Variants in LEMD3 observed in about 807,000 individuals in gnomAD.
The protein encoded by LEMD3 is inner nuclear membrane protein Man1.
A neutral mutation model predicts 95.2 loss-of-function variants in LEMD3; 33 were observed. That is an observed-to-expected ratio of 0.35 (90% CI 0.26 to 0.46). The LOEUF (loss-of-function observed/expected upper bound fraction) is 0.46, where lower values mean the gene tolerates loss of function less well. LEMD3 is among the 20% of genes least tolerant of loss of function. The probability of loss-of-function intolerance (pLI) is 1.00; values close to 1 mark genes in which losing one functional copy is unlikely to be tolerated. For synonymous variants in LEMD3, 525 were observed against 474.6 expected, an observed-to-expected ratio of 1.11 and a Z score of -1.38; for missense variants, 1,210 against 1,192.8, an observed-to-expected ratio of 1.01 and a Z score of -0.21.
rs6581620 is a variant in LEMD3 at position 65,218,541 on chromosome 12, A to C, written c.1628-11A>C. The C allele has an allele frequency of 5.6e-3, 8,869 of 1,577,376 alleles. 472 individuals are homozygous for C. The African/African-American group carries it at 0.11, about 19-fold the overall frequency. On this transcript the variant is annotated splice_polypyrimidine_tract_variant and intron_variant, in intron 3 of 12. Transcript: ENST00000308330. Reference sequence around the variant, plus strand: ...ACTGATTCAAAATTAATAATATGCTAATCTTTCCAGGAGATCATGAATGTG... The same window carrying C: ...ACTGATTCAAAATTAATAATATGCTCATCTTTCCAGGAGATCATGAATGTG...
chr12:65,216,785 C>T (rs1870124154), intron 3 of LEMD3, among the ~76,000 whole-genome samples: 1 of 152,104 alleles, frequency 6.6e-6, no homozygotes, highest in African/African-American at 2.4e-5. Flanking sequence ...TATGGAACTT[C>T]TCTGGTTGAA....
chr12:65,235,538 A>G (rs1870748241), intron 4 of LEMD3, among the ~76,000 whole-genome samples: 1 of 152,136 alleles, frequency 6.6e-6, no homozygotes, highest in Non-Finnish European at 1.5e-5. Context: ...GAAAAAAAGT[A>G]CAATGGAAAA....
chr12:65,214,254 C>T (rs1403203548), intron 2 of LEMD3, among the ~76,000 whole-genome samples: 2 of 152,094 alleles, frequency 1.3e-5, no homozygotes, highest in African/African-American at 4.8e-5. Flanking sequence ...CTCGGCCTCC[C>T]AAAGTGCTGA....
At chr12:65,176,732 A>G (rs892897745) in intron 1 of LEMD3, among the ~76,000 whole-genome samples, 4 of 152,188 alleles carry the variant, frequency 2.6e-5, no homozygotes, top group Non-Finnish European at 5.9e-5. Flanking sequence ...GAGATTGATA[A>G]TACTATCTGA....
intron 1 of LEMD3, among the ~76,000 whole-genome samples, chr12:65,199,799 T>C (rs1410378751): frequency 6.6e-6 from 1 of 152,046 alleles, no homozygotes; most frequent in Non-Finnish European, 1.5e-5. Flanking sequence ...AGAGCATGAT[T>C]AATGGATCAT....
chr12:65,201,067 A>G (rs1321567308), intron 1 of LEMD3, among the ~76,000 whole-genome samples: 2 of 152,132 alleles, frequency 1.3e-5, no homozygotes, highest in Admixed American at 6.6e-5. Flanking sequence ...TCTTTGCTCC[A>G]TTATATTGCC....
intron 1 of LEMD3, among the ~76,000 whole-genome samples, chr12:65,186,455 T>C (rs528003633): frequency 8.6e-5 from 13 of 152,012 alleles, no homozygotes; most frequent in Non-Finnish European, 1.8e-4. Context: ...AAAATATTAC[T>C]CATTTACTTT....
At chr12:65,208,332 C>G (rs1042463052) in intron 1 of LEMD3, among the ~76,000 whole-genome samples, 1 of 151,892 alleles carries the variant, frequency 6.6e-6, no homozygotes, top group Admixed American at 6.6e-5. Context: ...TTTGAAGTAC[C>G]GTCTTGGTAT....
At chr12:65,222,871 T>C (rs1438225517) in intron 4 of LEMD3, among the ~76,000 whole-genome samples, 1 of 152,080 alleles carries the variant, frequency 6.6e-6, no homozygotes, top group Non-Finnish European at 1.5e-5. Flanking sequence ...ATTTATAATT[T>C]TTCTTTTGAT....
At chr12:65,174,869 CTT>C (rs1868667156) in intron 1 of LEMD3, among the ~76,000 whole-genome samples, 1 of 152,084 alleles carries the variant, frequency 6.6e-6, no homozygotes, top group African/African-American at 2.4e-5. Flanking sequence ...TTGCTGGTAA[CTT>C]TTGGGGGCTG....
chr12:65,219,547 C>T (rs564434546), intron 4 of LEMD3, among the ~76,000 whole-genome samples: 1 of 152,262 alleles, frequency 6.6e-6, no homozygotes, highest in South Asian at 2.1e-4. Context: ...TTCATGCCTC[C>T]CATCCCCTTG....
Position 65,226,407 on chromosome 12 carries a change from T to C in LEMD3, c.1695+7788T>C, listed in dbSNP as rs1248548286. On this transcript the variant is annotated intron_variant, in intron 4 of 12. Coordinates refer to ENST00000308330, the MANE Select transcript of LEMD3 (RefSeq NM_014319.5). ...AACTAATTTCTGGATTTTTCACAAATGGAATTGGTCCATGTATTTTTGTTG... is the reference window on the plus strand; with the variant it reads ...AACTAATTTCTGGATTTTTCACAAACGGAATTGGTCCATGTATTTTTGTTG... Among the ~76,000 whole-genome samples, 4 of 152,192 alleles carry C rather than the reference T, an allele frequency of 2.6e-5. No individual in the cohort carries two copies. In the East Asian group the frequency reaches 7.7e-4, roughly 29 times the overall value.
chr12:65,217,150 T>TCAC (rs1004175332), intron 3 of LEMD3, among the ~76,000 whole-genome samples: 1 of 152,168 alleles, frequency 6.6e-6, no homozygotes, highest in Non-Finnish European at 1.5e-5. Flanking sequence ...TGAGTAAGGG[T>TCAC]CAACAAGCTT....
chr12:65,231,425 C>T (rs1202768703), intron 4 of LEMD3, among the ~76,000 whole-genome samples: 4 of 152,044 alleles, frequency 2.6e-5, no homozygotes, highest in Admixed American at 2.6e-4. Context: ...TGGCTCATAC[C>T]TATAATCTCA....
intron 1 of LEMD3, among the ~76,000 whole-genome samples, chr12:65,206,506 A>G (rs1272690354): frequency 5.9e-5 from 9 of 152,152 alleles, no homozygotes; most frequent in Admixed American, 5.9e-4. Flanking sequence ...CGAATATTTT[A>G]TGTTGGAAGA....
In LEMD3 at chr12:65,170,664, A is replaced by T; in HGVS notation, c.1068A>T (p.Arg356Ser). The change falls in exon 1 of 13, where the codon AGA becomes AGT. Residue 356 changes from arginine to serine, a missense_variant. Arg to Ser is a moderately radical substitution (Grantham distance 110, BLOSUM62 -1). Coordinates refer to ENST00000308330, the MANE Select transcript of LEMD3 (RefSeq NM_014319.5). ...CDQVDSSPVP[R>S]YRVNAKKLTP... ...AAGTGGACTCCAGCCCCGTTCCTAGATACCGTGTTAACGCTAAGAAACTGA... is the reference window on the plus strand; with the variant it reads ...AAGTGGACTCCAGCCCCGTTCCTAGTTACCGTGTTAACGCTAAGAAACTGA... The T allele has an allele frequency of 6.2e-7, 1 of 1,614,170 alleles. No individual in the cohort carries two copies. Among genetic ancestry groups the T allele is most frequent in the Non-Finnish European group, 8.5e-7 (1 of 1,180,010 alleles).
chr12:65,224,824 T>C (rs546185720), intron 4 of LEMD3, among the ~76,000 whole-genome samples: 8 of 152,284 alleles, frequency 5.3e-5, no homozygotes, highest in African/African-American at 1.7e-4. Flanking sequence ...TTGTTTTGTT[T>C]TGTTTTGCCT....
At chr12:65,196,575 A>T (rs1869437257) in intron 1 of LEMD3, among the ~76,000 whole-genome samples, 1 of 152,098 alleles carries the variant, frequency 6.6e-6, no homozygotes, top group South Asian at 2.1e-4. Context: ...CATGATTCAC[A>T]GCCTTCTCAA....
At chr12:65,204,363 T>G (rs557987400) in intron 1 of LEMD3, among the ~76,000 whole-genome samples, 1 of 152,062 alleles carries the variant, frequency 6.6e-6, no homozygotes, top group South Asian at 2.1e-4. Context: ...CCAGTGTGGG[T>G]TTTTCCCCTC....
Sources: gnomAD v4.1 joint callset for allele counts (sites outside exome capture counted in the v4.1 genomes callset) on GRCh38, gnomAD v4.1.1 for gene constraint, MANE v1.5 for transcripts, NCBI Gene and HGNC (gene_info 2026-07-23, HGNC 2026-07-21) for gene names.